Variants in TRPM3 observed in about 807,000 individuals in gnomAD.
The protein encoded by TRPM3 is long transient receptor potential channel 3.
A neutral mutation model predicts 181.2 loss-of-function variants in TRPM3; 77 were observed. The ratio of observed to expected loss-of-function variants is 0.42; its 90% confidence interval spans 0.35 to 0.51. TRPM3 has a LOEUF of 0.51. Ranked by LOEUF, TRPM3 falls within the 20% of genes least tolerant of loss-of-function variation. The pLI is 0.01. For synonymous variants in TRPM3, 745 were observed against 796.4 expected, an observed-to-expected ratio of 0.94 and a Z score of 1.09; for missense variants, 1,759 against 2,196.7, an observed-to-expected ratio of 0.80 and a Z score of 3.98.
intron 1 of TRPM3, among the ~76,000 whole-genome samples, chr9:71,050,363 C>T (rs955252857): frequency 6.6e-6 from 1 of 152,064 alleles, no homozygotes; most frequent in African/African-American, 2.4e-5. Context: ...TTAAAAAGTA[C>T]AATTTGTATC....
At chr9:70,605,377 A>G (rs958253727) in intron 19 of TRPM3, among the ~76,000 whole-genome samples, 1 of 152,158 alleles carries the variant, frequency 6.6e-6, no homozygotes, top group Non-Finnish European at 1.5e-5. Context: ...GTCGGAGTTA[A>G]ATAAGATCAC....
intron 1 of TRPM3, among the ~76,000 whole-genome samples, chr9:71,413,986 G>T (rs564526335): frequency 1.4e-3 from 207 of 151,850 alleles, no homozygotes; most frequent in African/African-American, 4.9e-3. Context: ...TCTAAAAATG[G>T]CTTCCCAAGC....
intron 1 of TRPM3, among the ~76,000 whole-genome samples, chr9:70,912,720 A>G (rs571999631): frequency 1.3e-5 from 2 of 152,308 alleles, no homozygotes; most frequent in South Asian, 2.1e-4. Context: ...ACAATACATG[A>G]TGAGAAGAGA....
intron 1 of TRPM3, among the ~76,000 whole-genome samples, chr9:71,055,477 C>G (rs2060556365): frequency 6.6e-6 from 1 of 152,042 alleles, no homozygotes; most frequent in South Asian, 2.1e-4. Context: ...TGTCCAGCTT[C>G]CTAGTTCTCA....
intron 20 of TRPM3, among the ~76,000 whole-genome samples, chr9:70,600,419 G>GT (rs1479216695): frequency 6.6e-6 from 1 of 152,170 alleles, no homozygotes. Context: ...ACAGGTTTTC[G>GT]TAAGTCAGGG....
chr9:71,418,861 T>C (rs1392698980), intron 1 of TRPM3, among the ~76,000 whole-genome samples: 1 of 143,432 alleles, frequency 7.0e-6, no homozygotes, highest in Admixed American at 7.2e-5. Flanking sequence ...CCTTTGTATA[T>C]ATATGTATAT....
chr9:70,879,964 A>G (rs1305924676), intron 1 of TRPM3, among the ~76,000 whole-genome samples: 2 of 152,136 alleles, frequency 1.3e-5, no homozygotes, highest in Non-Finnish European at 2.9e-5. Flanking sequence ...ACACACTCCT[A>G]GTATTGCATT....
chr9:70,630,472 T>C (rs973008034), intron 12 of TRPM3, among the ~76,000 whole-genome samples: 13 of 152,164 alleles, frequency 8.5e-5, no homozygotes, highest in African/African-American at 3.1e-4. Flanking sequence ...GATGGGGTGG[T>C]GCTCAGTGCA....
At chr9:70,951,662 A>G (rs977396583) in intron 1 of TRPM3, among the ~76,000 whole-genome samples, 2 of 152,156 alleles carry the variant, frequency 1.3e-5, no homozygotes, top group African/African-American at 4.8e-5. Context: ...ATCCTTAAGA[A>G]TTTGAGAAAC....
chr9:70,670,207 G>A (rs2062653064), intron 9 of TRPM3, among the ~76,000 whole-genome samples: 2 of 152,176 alleles, frequency 1.3e-5, no homozygotes, highest in Admixed American at 6.5e-5. Flanking sequence ...ATTCATTCCA[G>A]GTGTTCTGGC....
intron 6 of TRPM3, among the ~76,000 whole-genome samples, chr9:70,788,006 CT>C (rs557213258): frequency 0.31 from 40,033 of 129,192 alleles, 6,265 homozygotes; most frequent in Middle Eastern, 0.44. Flanking sequence ...ACTATCCTGA[CT>C]TTTTTTTTTT....
chr9:70,617,396 CA>C (rs1206674745), intron 17 of TRPM3, among the ~76,000 whole-genome samples: 1 of 151,596 alleles, frequency 6.6e-6, no homozygotes, highest in Non-Finnish European at 1.5e-5. Context: ...TGGTGGGTGT[CA>C]GGGGCAGGGG....
chr9:70,923,869 T>TACATATATATACACACAC (rs1564771859), intron 1 of TRPM3, among the ~76,000 whole-genome samples: 1 of 145,372 alleles, frequency 6.9e-6, no homozygotes, highest in African/African-American at 2.6e-5. Flanking sequence ...TATATATATA[T>TACATATATATACACACAC]ACATATATAT....
chr9:70,698,661 G>A (rs573886264), intron 8 of TRPM3, among the ~76,000 whole-genome samples: 5 of 152,248 alleles, frequency 3.3e-5, no homozygotes, highest in Non-Finnish European at 7.4e-5. Context: ...TGTAATCCCC[G>A]GTGTTGGAGG....
chr9:70,885,221 T>C (rs1165249005), intron 1 of TRPM3, among the ~76,000 whole-genome samples: 1 of 152,166 alleles, frequency 6.6e-6, no homozygotes, highest in Non-Finnish European at 1.5e-5. Flanking sequence ...TTATTGACAT[T>C]GGGTATTATT....
rs188468809 is a variant in TRPM3, at chr9:71,316,390, T to C, written c.183+130263A>G. On this transcript the variant is annotated intron_variant, in intron 1 of 24. Transcript: ENST00000357533. ...AATAATGACATCTCAAAGATGTCCA[T>C]GTTTTAATCCTTGGAACATGTGAAT... 2.8e-3 allele frequency among the ~76,000 whole-genome samples: 423 copies of C among 152,298 alleles called. 3 individuals are homozygous for C. The highest frequency in any genetic ancestry group is 4.9e-3 in the Non-Finnish European group (332 of 68,010).
chr9:71,429,962 A>T (rs1440107439), intron 1 of TRPM3, among the ~76,000 whole-genome samples: 3 of 151,968 alleles, frequency 2.0e-5, no homozygotes, highest in Non-Finnish European at 2.9e-5. Flanking sequence ...TTGCTCCCTC[A>T]CTTCCTTCTG....
intron 1 of TRPM3, among the ~76,000 whole-genome samples, chr9:70,996,280 T>C (rs1242084947): frequency 6.6e-6 from 1 of 152,192 alleles, no homozygotes; most frequent in Non-Finnish European, 1.5e-5. Flanking sequence ...TCAGTTTATC[T>C]AGAGGATAAA....
At chr9:71,262,920 G>A (rs1249497734) in intron 1 of TRPM3, among the ~76,000 whole-genome samples, 1 of 152,180 alleles carries the variant, frequency 6.6e-6, no homozygotes, top group Non-Finnish European at 1.5e-5. Context: ...TTCTGCATTG[G>A]TCTCACTGGG....
Sources: allele counts gnomAD v4.1 joint callset (sites outside exome capture counted in the v4.1 genomes callset), GRCh38; gene constraint gnomAD v4.1.1; transcripts MANE v1.5; gene names NCBI Gene and HGNC (gene_info 2026-07-23, HGNC 2026-07-21).